Variants in NDUFAF5 observed in about 807,000 individuals in gnomAD.
The protein encoded by NDUFAF5 is arginine-hydroxylase NDUFAF5, mitochondrial.
In NDUFAF5, 34 loss-of-function variants were observed where a neutral mutation model predicts 48.9. That is an observed-to-expected ratio of 0.70 (90% CI 0.53 to 0.93). The LOEUF is 0.93. Among genes scored for constraint, NDUFAF5 ranks in the 40% least tolerant of loss-of-function variants. The pLI, the probability that NDUFAF5 is intolerant of heterozygous loss-of-function variation, is 0.00. For missense variants in NDUFAF5, 428 were observed against 427.5 expected (o/e 1.00, Z -0.01); for synonymous variants, 153 against 150.6 (o/e 1.02, Z -0.12).
At chr20:13,793,016 G>C (rs916110336) in intron 3 of NDUFAF5, 164 bp from the exon 4 acceptor site, 2 of 721,928 alleles carry the variant, frequency 2.8e-6, no homozygotes, top group African/African-American at 3.5e-5. Flanking sequence ...ATATAGCAAA[G>C]GATATGTGTT....
At chr20:13,813,465 A>T (rs1986110826) in intron 8 of NDUFAF5, among the ~76,000 whole-genome samples, 1 of 152,214 alleles carries the variant, frequency 6.6e-6, no homozygotes, top group Admixed American at 6.5e-5. Context: ...ATATACCTTC[A>T]CTTAGCGTTT....
In NDUFAF5 at chr20:13,794,935, GT is replaced by G; in HGVS notation, c.476del (p.Leu159Ter). 3 of 1,600,922 alleles carry G rather than the reference GT, an allele frequency of 1.9e-6. No homozygotes were observed. The South Asian group carries it at 3.3e-5, about 18-fold the overall frequency. ...KENTFDLVVS[S>X]LSLHWVNDLP... is the part of the protein sequence containing the mutation. ...AATACATTTGACCTGGTGGTTAGCA[GT>G]TTAAGGTTGGTAATCCACTTTTTAA... On this transcript the variant is annotated frameshift_variant, in exon 5 of 11. Coordinates refer to ENST00000378106, the MANE Select transcript of NDUFAF5 (RefSeq NM_024120.5). LOFTEE classifies it high-confidence loss of function.
At chr20:13,789,369 T>C (rs943119295) in intron 3 of NDUFAF5, among the ~76,000 whole-genome samples, 7 of 152,146 alleles carry the variant, frequency 4.6e-5, no homozygotes, top group African/African-American at 1.7e-4. Flanking sequence ...TTCACCATGT[T>C]GGCAAGGCCG....
At chr20:13,789,299 G>A (rs1196889915) in intron 3 of NDUFAF5, among the ~76,000 whole-genome samples, 1 of 151,794 alleles carries the variant, frequency 6.6e-6, no homozygotes, top group Non-Finnish European at 1.5e-5. Flanking sequence ...CAAGTAGCTG[G>A]GATTATGGGG....
At chr20:13,794,734 G>A in intron 4 of NDUFAF5, 104 bp from the exon 5 acceptor site, 1 of 804,646 alleles carries the variant, frequency 1.2e-6, no homozygotes, top group Admixed American at 2.0e-5. Context: ...GGTAGAAACT[G>A]CCAAGTAAAT....
At position 13,788,636 on chromosome 20, in the gene NDUFAF5, C is replaced by T. The variant is rs749674610; in HGVS notation, c.311C>T (p.Ala104Val). Residue 104 changes from alanine to valine, a missense_variant, in exon 3 of 11, where the codon GCA becomes GTA. Coordinates refer to ENST00000378106, the MANE Select transcript of NDUFAF5 (RefSeq NM_024120.5). The part of the protein sequence containing the change: ...LDLGCGRGYI[A>V]QYLNKETIGK... ...CTTGGTTGTGGAAGAGGTTACATTG[C>T]ACAATATTTGAATAAGGTATATTTA... 2 of 1,609,346 alleles carry T rather than the reference C, an allele frequency of 1.2e-6. No homozygotes were observed. The highest frequency in any genetic ancestry group is 1.7e-6 in the Non-Finnish European group (2 of 1,175,976).
intron 6 of NDUFAF5, among the ~76,000 whole-genome samples, chr20:13,799,698 C>CG (rs1983823246): frequency 1.2e-5 from 1 of 81,456 alleles, no homozygotes; most frequent in Non-Finnish European, 2.5e-5. Context: ...GACTCTGTCT[C>CG]AAAAAAAAAA....
rs557617162 is a variant in NDUFAF5, at chr20:13,798,006, T to A, written c.480-455T>A. On this transcript the variant is annotated intron_variant, in intron 5 of 10. Transcript: ENST00000378106. Reference sequence around the variant, plus strand: ...AGTTACACTGTTTGCCTTGAAAAAATTTAGATCTGCAGATAATTTTTTTCT... The same window carrying A: ...AGTTACACTGTTTGCCTTGAAAAAAATTAGATCTGCAGATAATTTTTTTCT... 1.3e-3 allele frequency among the ~76,000 whole-genome samples: 195 copies of A among 152,254 alleles called. 1 individual carries two copies. The highest frequency in any genetic ancestry group is 4.4e-3 in the African/African-American group (181 of 41,546).
intron 5 of NDUFAF5, among the ~76,000 whole-genome samples, chr20:13,797,795 A>G (rs1167272184): frequency 3.3e-5 from 5 of 152,176 alleles, no homozygotes; most frequent in Non-Finnish European, 5.9e-5. Flanking sequence ...CACTCTGGAG[A>G]TATTGATAAT....
intron 7 of NDUFAF5, among the ~76,000 whole-genome samples, chr20:13,805,044 G>C (rs957363695): frequency 6.6e-6 from 1 of 152,064 alleles, no homozygotes; most frequent in African/African-American, 2.4e-5. Context: ...TTCCTTTACA[G>C]TCTACCCTCT....
chr20:13,795,707 T>C (rs1983092834), intron 5 of NDUFAF5, among the ~76,000 whole-genome samples: 2 of 152,278 alleles, frequency 1.3e-5, no homozygotes, highest in South Asian at 4.1e-4. Context: ...TAGTCCCAGC[T>C]ACTTGGGAGG....
Position 13,817,187 on chromosome 20 carries a change from C to G in NDUFAF5, c.1015C>G (p.Pro339Ala). The G allele has an allele frequency of 6.2e-7, 1 of 1,613,410 alleles. No individual in the cohort carries two copies. Among genetic ancestry groups the G allele is most frequent in the East Asian group, 2.2e-5 (1 of 44,844 alleles). Residue 339 changes from proline (P) to alanine (A), a missense_variant, in exon 11 of 11, where the codon CCA becomes GCA. Coordinates refer to ENST00000378106, the MANE Select transcript of NDUFAF5 (RefSeq NM_024120.5). ...GELGKINNLM[P>A]PGKKSQ ...GCTAGGAAAAATAAACAACCTTATG[C>G]CACCGGGGAAAAAATCACAATAAAT...
At chr20:13,793,130 A>G (rs746371092) in intron 3 of NDUFAF5, 50 bp from the exon 4 acceptor site, 3 of 1,604,166 alleles carry the variant, frequency 1.9e-6, no homozygotes, top group Admixed American at 1.7e-5. Context: ...AATGTCAGCA[A>G]TTGTTTGTGA....
At chr20:13,814,048 A>T (rs1202374163) in intron 8 of NDUFAF5, 1 of 206,440 alleles carries the variant, frequency 4.8e-6, no homozygotes, top group East Asian at 1.3e-4. Flanking sequence ...TAGAGCTAAC[A>T]TGGTTAATCT....
chr20:13,806,488 G>A (rs571396494), intron 7 of NDUFAF5, among the ~76,000 whole-genome samples: 7 of 152,314 alleles, frequency 4.6e-5, no homozygotes, highest in Admixed American at 2.0e-4. Flanking sequence ...CAGCCTGGGC[G>A]CTGGGTGGCA....
In NDUFAF5 at chr20:13,820,924, G is replaced by A. The variant is rs1272427541; in HGVS notation, c.*3714G>A. 1.3e-5 allele frequency: 2 copies of A among 152,118 alleles called. No homozygotes were observed. The highest frequency in any genetic ancestry group is 1.9e-4 in the East Asian group (1 of 5,200). 9.4% of individuals were successfully genotyped at this position (152,118 alleles called of 1,614,324 possible). A position where few individuals can be genotyped will look rare whatever the true frequency, so the allele number is the denominator to read the frequency against. ...TTGAGCTTTTTTGGGGAGGGGTTGT[G>A]GTTAATGATGTGAAATTAATCTTCA... On this transcript the variant is annotated 3_prime_UTR_variant, in exon 11 of 11. Transcript: ENST00000378106.
chr20:13,801,465 G>GT, intron 6 of NDUFAF5, 21 bp from the exon 7 acceptor site: 1 of 1,487,650 alleles, frequency 6.7e-7, no homozygotes, highest in Non-Finnish European at 9.2e-7. Context: ...GAATCATTTT[G>GT]TTTTCTTGTA....
At chr20:13,803,086 G>A (rs563824624) in intron 7 of NDUFAF5, 3 of 152,304 alleles carry the variant, frequency 2.0e-5, no homozygotes. Context: ...GATTTTGTGT[G>A]AATATATTCA....
intron 8 of NDUFAF5, among the ~76,000 whole-genome samples, chr20:13,814,805 CTT>C (rs1226100501): frequency 6.6e-6 from 1 of 152,186 alleles, no homozygotes; most frequent in Admixed American, 6.5e-5. Context: ...GGTTGAATGA[CTT>C]TGCCCCAGGT....
Sources: gnomAD v4.1 joint callset for allele counts (sites outside exome capture counted in the v4.1 genomes callset) on GRCh38, gnomAD v4.1.1 for gene constraint, MANE v1.5 for transcripts, NCBI Gene and HGNC (gene_info 2026-07-23, HGNC 2026-07-21) for gene names.